The following TAF2 variants were observed in gnomAD, a reference collection of about 807,000 sequenced individuals.
TAF2 encodes the protein transcription initiation factor TFIID subunit 2.
TAF2 carries 61 observed loss-of-function variants against 138.5 expected under a neutral mutation model. The ratio of observed to expected loss-of-function variants is 0.44; its 90% CI spans 0.36 to 0.54. The LOEUF (loss-of-function observed/expected upper bound fraction) is 0.54. Among genes scored for constraint, TAF2 ranks in the 20% least tolerant of loss-of-function variants. The pLI, the probability that TAF2 is intolerant of heterozygous loss-of-function variation, is 0.00. For synonymous variants in TAF2, 475 were observed against 469.9 expected (o/e 1.01, Z -0.14); for missense variants, 1,090 against 1,427.9 (o/e 0.76, Z 3.81).
At chr8:119,785,563 T>C (rs376102362) in intron 14 of TAF2, among the ~76,000 whole-genome samples, 27 of 152,240 alleles carry the variant, frequency 1.8e-4, no homozygotes, top group Non-Finnish European at 2.8e-4. Flanking sequence ...CAATTTTGTA[T>C]AGAAAAGGGG....
At chr8:119,786,719 C>A (rs1823035437) in intron 14 of TAF2, among the ~76,000 whole-genome samples, 1 of 152,084 alleles carries the variant, frequency 6.6e-6, no homozygotes, top group South Asian at 2.1e-4. Context: ...GTCAGGAGTT[C>A]AAGACCAGCC....
At chr8:119,823,430 A>G (rs1825910732) in intron 2 of TAF2, among the ~76,000 whole-genome samples, 2 of 152,184 alleles carry the variant, frequency 1.3e-5, no homozygotes, top group South Asian at 4.1e-4. Flanking sequence ...TAAAGCGAAT[A>G]AATCTCATGA....
intron 3 of TAF2, among the ~76,000 whole-genome samples, chr8:119,812,325 A>AT (rs35553888): frequency 0.047 from 6,763 of 145,300 alleles, 290 homozygotes; most frequent in South Asian, 0.11. Flanking sequence ...TTGCTGCCTC[A>AT]TTTTTTTTTT....
intron 3 of TAF2, among the ~76,000 whole-genome samples, chr8:119,816,146 G>A (rs1422284780): frequency 6.6e-6 from 1 of 150,748 alleles, no homozygotes; most frequent in East Asian, 2.0e-4. Context: ...CGCCTCCCAG[G>A]TTCACGCCAT....
chr8:119,801,435 CTTT>C (rs112527778), intron 6 of TAF2, among the ~76,000 whole-genome samples: 8 of 139,686 alleles, frequency 5.7e-5, no homozygotes, highest in Non-Finnish European at 7.8e-5. Context: ...TAATATCTAC[CTTT>C]TTTTTTTTTT....
chr8:119,806,971 A>C (rs1824703650), intron 3 of TAF2, among the ~76,000 whole-genome samples: 1 of 152,216 alleles, frequency 6.6e-6, no homozygotes, highest in Non-Finnish European at 1.5e-5. Context: ...ATTCTTCATT[A>C]ATTTTGGAAT....
rs10717881 is a variant in TAF2 at position 119,813,592 on chromosome 8, AG to A, written c.299+5753del. On this transcript the variant is annotated intron_variant, in intron 3 of 25. Coordinates refer to ENST00000378164, the MANE Select transcript of TAF2 (RefSeq NM_003184.4). ...TTAAGAAAACACAGTATCAAATCTG[AG>A]ATTATCCAGAGAAGGACAAAGAGGA... Among the ~76,000 whole-genome samples the A allele has an allele frequency of 6.4e-3, 978 of 152,364 alleles. 14 individuals carry two copies. Among genetic ancestry groups the A allele is most frequent in the African/African-American group, 0.022 (934 of 41,576 alleles).
intron 10 of TAF2, among the ~76,000 whole-genome samples, chr8:119,793,097 T>TA (rs1220047911): frequency 2.0e-5 from 3 of 151,816 alleles, no homozygotes; most frequent in South Asian, 2.1e-4. Context: ...AGACCCCATT[T>TA]AAAAAAAATT....
At chr8:119,753,478 C>T (rs1820495996) in intron 22 of TAF2, among the ~76,000 whole-genome samples, 1 of 152,172 alleles carries the variant, frequency 6.6e-6, no homozygotes, top group South Asian at 2.1e-4. Context: ...CCCAATTATT[C>T]ATGCCACTCC....
chr8:119,805,942 T>C (rs1824607469), intron 4 of TAF2, among the ~76,000 whole-genome samples: 1 of 152,080 alleles, frequency 6.6e-6, no homozygotes, highest in African/African-American at 2.4e-5. Flanking sequence ...TCTCACTCTG[T>C]TGCACAGGTT....
At chr8:119,787,034 A>C (rs756344353) in intron 14 of TAF2, among the ~76,000 whole-genome samples, 3 of 152,246 alleles carry the variant, frequency 2.0e-5, no homozygotes, top group Non-Finnish European at 4.4e-5. Context: ...CATTGGCAAC[A>C]AAAGTCAAAA....
chr8:119,800,051 G>A (rs75014369), intron 6 of TAF2, among the ~76,000 whole-genome samples: 20,583 of 152,154 alleles, frequency 0.14, 1,584 homozygotes, highest in Middle Eastern at 0.34. Flanking sequence ...TTAGCCCTTT[G>A]TCAGATGAGT....
rs1223754738 is a variant in TAF2, at chr8:119,731,808, T to C, written c.*116A>G. On this transcript the variant is annotated 3_prime_UTR_variant, in exon 26 of 26. Coordinates refer to ENST00000378164, the MANE Select transcript of TAF2 (RefSeq NM_003184.4). Reference sequence around the variant, plus strand: ...CTTAGAACTTAAATGAATTCAGAATTTCTGTAGGAGAGGCGAATCCTTTCC... The same window carrying C: ...CTTAGAACTTAAATGAATTCAGAATCTCTGTAGGAGAGGCGAATCCTTTCC... 1.0e-6 allele frequency: 1 copy of C among 997,218 alleles called. No homozygotes were observed. The highest frequency in any genetic ancestry group is 2.4e-5 in the East Asian group (1 of 41,722). The allele number at this position is 997,218 out of a possible 1,614,324, so 61.8% of individuals were successfully genotyped here. A position where few individuals can be genotyped will look rare whatever the true frequency, so the allele number is the denominator to read the frequency against.
At position 119,751,365 on chromosome 8, in the gene TAF2, C is replaced by A. The variant is rs1820338453; in HGVS notation, c.2879-4431G>T. On this transcript the variant is annotated intron_variant, in intron 22 of 25. Coordinates refer to ENST00000378164, the MANE Select transcript of TAF2 (RefSeq NM_003184.4). ...CCTTCGCATTTAGATCCTAATCTAT[C>A]TTTCCAGATAATACTATTTTCTAAA... Among the ~76,000 whole-genome samples the A allele has an allele frequency of 2.6e-5, 4 of 152,300 alleles. No individual in the cohort carries two copies. In the South Asian group the frequency reaches 8.3e-4, roughly 32 times the overall value.
At chr8:119,797,347 C>G (rs1823899936) in intron 7 of TAF2, among the ~76,000 whole-genome samples, 1 of 151,866 alleles carries the variant, frequency 6.6e-6, no homozygotes. Flanking sequence ...TTAAATAGTG[C>G]TAGAAAAAAA....
At chr8:119,782,922 C>A (rs950912326) in intron 16 of TAF2, among the ~76,000 whole-genome samples, 3 of 152,050 alleles carry the variant, frequency 2.0e-5, no homozygotes, top group African/African-American at 7.3e-5. Flanking sequence ...GCAGGAGTAT[C>A]ACTCAGGCTC....
intron 2 of TAF2, among the ~76,000 whole-genome samples, chr8:119,826,459 G>C (rs1826105509): frequency 6.6e-6 from 1 of 152,088 alleles, no homozygotes; most frequent in Admixed American, 6.6e-5. Context: ...CCCAGTTTCA[G>C]GTATGTCTTT....
At chr8:119,735,668 T>G (rs369499113) in intron 25 of TAF2, among the ~76,000 whole-genome samples, 1 of 152,204 alleles carries the variant, frequency 6.6e-6, no homozygotes, top group East Asian at 1.9e-4. Context: ...CAGACAAGTT[T>G]GGAGAACTGT....
At chr8:119,764,861 G>T (rs1334313480) in intron 18 of TAF2, among the ~76,000 whole-genome samples, 1 of 151,970 alleles carries the variant, frequency 6.6e-6, no homozygotes, top group Non-Finnish European at 1.5e-5. Flanking sequence ...AAATTCAAGT[G>T]TAGGGGAAAA....
Sources: gnomAD v4.1 joint callset for allele counts (sites outside exome capture counted in the v4.1 genomes callset) on GRCh38, gnomAD v4.1.1 for gene constraint, MANE v1.5 for transcripts, NCBI Gene and HGNC (gene_info 2026-07-23, HGNC 2026-07-21) for gene names.